The following INPP4B variants were observed in gnomAD, a reference collection of about 807,000 sequenced individuals.
INPP4B encodes the protein inositol polyphosphate-4-phosphatase type II B.
Under a neutral mutation model 122.5 loss-of-function variants are expected in INPP4B, and 55 were observed. The observed-to-expected ratio is 0.45, with a 90% confidence interval of 0.36 to 0.56. The LOEUF is 0.56. Ranked by LOEUF, INPP4B falls within the 20% of genes least tolerant of loss-of-function variation. The pLI is 0.00. For missense variants in INPP4B, 1,000 were observed against 1,097.7 expected, an observed-to-expected ratio of 0.91 and a Z score of 1.26; for synonymous variants, 403 against 388.7, an observed-to-expected ratio of 1.04 and a Z score of -0.43.
rs542814016 is a variant in INPP4B at position 142,095,366 on chromosome 4, A to G, written c.2375-9110T>C. The stretch of plus-strand genomic sequence containing the variant: ...ATTACAGAGTTGGAAAAGTGGATCT[A>G]AAAAGTGAAATAAGAATTTGTTAAT... On this transcript the variant is annotated intron_variant, in intron 23 of 25. Coordinates refer to ENST00000262992, the MANE Select transcript of INPP4B (RefSeq NM_001101669.3). 9.8e-5 allele frequency among the ~76,000 whole-genome samples: 15 copies of G among 152,330 alleles called. No homozygotes were observed. The South Asian group carries it at 2.9e-3, about 29-fold the overall frequency.
At chr4:142,062,106 C>T (rs1465945608) in intron 25 of INPP4B, among the ~76,000 whole-genome samples, 2 of 151,990 alleles carry the variant, frequency 1.3e-5, no homozygotes, top group Non-Finnish European at 2.9e-5. Context: ...TAGACTATTT[C>T]CTCAAACACA....
chr4:142,396,906 G>T (rs989649004), intron 7 of INPP4B, among the ~76,000 whole-genome samples: 2 of 152,038 alleles, frequency 1.3e-5, no homozygotes, highest in Middle Eastern at 3.2e-3. Flanking sequence ...AGATCTGTAG[G>T]AAAGTGTTTG....
intron 1 of INPP4B, among the ~76,000 whole-genome samples, chr4:142,789,503 G>A (rs1580921788): frequency 6.6e-6 from 1 of 151,854 alleles, no homozygotes; most frequent in Admixed American, 6.6e-5. Context: ...AAAATACTTC[G>A]GAATATACCT....
intron 7 of INPP4B, chr4:142,383,945 G>T (rs756097196): frequency 1.7e-6 from 1 of 601,304 alleles, no homozygotes; most frequent in Admixed American, 2.7e-5. Context: ...GAAAACTGTT[G>T]TGTCTCATTA....
intron 2 of INPP4B, among the ~76,000 whole-genome samples, chr4:142,700,068 C>T (rs1761523983): frequency 6.6e-6 from 1 of 152,120 alleles, no homozygotes; most frequent in South Asian, 2.1e-4. Context: ...TATAGTAAAG[C>T]ATCTTACTAG....
chr4:142,087,414 G>T (rs551298262), intron 23 of INPP4B, among the ~76,000 whole-genome samples: 5 of 152,148 alleles, frequency 3.3e-5, no homozygotes, highest in African/African-American at 7.2e-5. Flanking sequence ...GACAATGTAC[G>T]TTATGACCCA....
At chr4:142,303,523 G>C (rs1021599552) in intron 9 of INPP4B, among the ~76,000 whole-genome samples, 2 of 152,058 alleles carry the variant, frequency 1.3e-5, no homozygotes, top group Admixed American at 6.6e-5. Flanking sequence ...ATACTTAAGA[G>C]ACAGAATCAG....
At chr4:142,586,097 C>T (rs1404682607) in intron 2 of INPP4B, among the ~76,000 whole-genome samples, 1 of 151,968 alleles carries the variant, frequency 6.6e-6, no homozygotes, top group African/African-American at 2.4e-5. Flanking sequence ...ATTGCTTGAA[C>T]TCAGGTGTTG....
At chr4:142,118,152 A>C (rs1481279132) in intron 21 of INPP4B, among the ~76,000 whole-genome samples, 17 of 152,228 alleles carry the variant, frequency 1.1e-4, no homozygotes, top group Admixed American at 1.0e-3. Context: ...GAGGACACAA[A>C]CAAATGGAAG....
At chr4:142,058,576 A>T in intron 25 of INPP4B, among the ~76,000 whole-genome samples, 1 of 152,172 alleles carries the variant, frequency 6.6e-6, no homozygotes, top group South Asian at 2.1e-4. Flanking sequence ...TGCAGAATTC[A>T]TATACCACTC....
Position 142,666,288 on chromosome 4 carries a change from A to T in INPP4B, c.-191+59551T>A, listed in dbSNP as rs114884998. 8.6e-3 allele frequency among the ~76,000 whole-genome samples: 1,312 copies of T among 152,286 alleles called. 24 individuals carry two copies. Among genetic ancestry groups the T allele is most frequent in the African/African-American group, 0.03 (1,244 of 41,576 alleles). On this transcript the variant is annotated intron_variant, in intron 2 of 25. Transcript: ENST00000262992. Reference sequence around the variant, plus strand: ...ATTTTTGCAACAAGAGTAAAAATGTATATATAATTTTAGATTCATTTCATA... The same window carrying T: ...ATTTTTGCAACAAGAGTAAAAATGTTTATATAATTTTAGATTCATTTCATA...
intron 2 of INPP4B, among the ~76,000 whole-genome samples, chr4:142,503,285 G>C (rs1823618170): frequency 2.6e-5 from 4 of 152,102 alleles, no homozygotes; most frequent in Admixed American, 2.6e-4. Flanking sequence ...CATGAATGCT[G>C]GGACAGTAAA....
At chr4:142,511,419 A>C (rs1213984679) in intron 2 of INPP4B, among the ~76,000 whole-genome samples, 2 of 152,162 alleles carry the variant, frequency 1.3e-5, no homozygotes, top group African/African-American at 4.8e-5. Flanking sequence ...CTAAAAGAGA[A>C]ATTTTTTATC....
chr4:142,653,026 T>A (rs988488677), intron 2 of INPP4B, among the ~76,000 whole-genome samples: 13 of 151,952 alleles, frequency 8.6e-5, no homozygotes, highest in Admixed American at 4.6e-4. Flanking sequence ...CAAAACAGAT[T>A]TATAGACCAA....
rs536531583 is a variant in INPP4B at position 142,584,520 on chromosome 4, TAG to T, written c.-190-121796_-190-121795del. On this transcript the variant is annotated intron_variant, in intron 2 of 25. Transcript: ENST00000262992. Reference sequence around the variant, plus strand: ...GTTTTAGGACTGGTCAATTATTTTGTAGAGTGTCTCTCAATTGAGATTTGTCT... The same window carrying T: ...GTTTTAGGACTGGTCAATTATTTTGTAGTGTCTCTCAATTGAGATTTGTCT... Among the ~76,000 whole-genome samples, 57 of 152,306 alleles carry T rather than the reference TAG, an allele frequency of 3.7e-4. 1 individual carries two copies. The South Asian group carries it at 9.9e-3, about 27-fold the overall frequency.
chr4:142,418,898 C>G (rs180694937), intron 5 of INPP4B, among the ~76,000 whole-genome samples: 12 of 152,220 alleles, frequency 7.9e-5, no homozygotes, highest in African/African-American at 2.9e-4. Flanking sequence ...AACAGACTCA[C>G]GAGGACTTGC....
At chr4:142,618,553 C>A (rs1252965857) in intron 2 of INPP4B, among the ~76,000 whole-genome samples, 1 of 152,012 alleles carries the variant, frequency 6.6e-6, no homozygotes, top group Non-Finnish European at 1.5e-5. Context: ...AAACTGGACC[C>A]TTTTCTTCCA....
At chr4:142,447,087 T>A (rs1458076106) in intron 3 of INPP4B, among the ~76,000 whole-genome samples, 2 of 152,126 alleles carry the variant, frequency 1.3e-5, no homozygotes, top group Non-Finnish European at 2.9e-5. Context: ...CAGAGTCATG[T>A]GTTGAGAGGA....
At chr4:142,742,105 C>G (rs978151761) in intron 1 of INPP4B, among the ~76,000 whole-genome samples, 3 of 151,834 alleles carry the variant, frequency 2.0e-5, no homozygotes, top group African/African-American at 7.3e-5. Context: ...GGTGCCCTAC[C>G]CAGATTTCCT....
Sources: gnomAD v4.1 joint callset for allele counts (sites outside exome capture counted in the v4.1 genomes callset) on GRCh38, gnomAD v4.1.1 for gene constraint, MANE v1.5 for transcripts, NCBI Gene and HGNC (gene_info 2026-07-23, HGNC 2026-07-21) for gene names.